NUP58: variants seen among roughly 807,000 people sequenced by gnomAD.
The protein encoded by NUP58 is nucleoporin 58.
In NUP58, 17 loss-of-function variants were observed where a neutral mutation model predicts 70.1. The observed-to-expected ratio is 0.24, with a 90% CI of 0.17 to 0.36. NUP58 has a LOEUF of 0.36. NUP58 is among the 10% of genes least tolerant of loss of function. The pLI is 1.00. For missense variants in NUP58, 644 were observed against 701.5 expected (o/e 0.92, Z 0.93); for synonymous variants, 275 against 257.6 (o/e 1.07, Z -0.65).
intron 13 of NUP58, chr13:25,332,931 A>C: frequency 1.0e-6 from 1 of 985,354 alleles, no homozygotes; most frequent in Non-Finnish European, 1.2e-6. Flanking sequence ...CCATAGTACT[A>C]GTTTACTTTT....
In NUP58 at chr13:25,337,018, T is replaced by C. The variant is rs750707488; in HGVS notation, c.1518T>C (p.Gly506=). 2 of 1,603,940 alleles carry C rather than the reference T, an allele frequency of 1.2e-6. No individual in the cohort carries two copies. The highest frequency in any genetic ancestry group is 1.1e-5 in the South Asian group (1 of 89,240). ...CTGGCTTGCAATCAAGTGGCTTAGG[T>C]TCTTCAAACCTTGGAGGTACACTTT... ...IGTGLQSSGL[G]SSNLGGFGTS... is the part of the protein sequence containing the mutation. Residue 506 remains glycine (G), a synonymous_variant, in exon 14 of 16, where the codon GGT becomes GGC. Coordinates refer to ENST00000381736, the MANE Select transcript of NUP58 (RefSeq NM_014089.4).
In NUP58 at chr13:25,338,677, G is replaced by T. The variant is rs1326646657; in HGVS notation, c.1576G>T (p.Ala526Ser). The change falls in exon 15 of 16, where the codon GCC becomes TCC. Residue 526 changes from alanine to serine, a missense_variant. Physicochemically the swap from Ala to Ser is moderately conservative, Grantham distance 99. Around this residue, in one of 4 missense-constraint regions of NUP58, gnomAD observed 132 missense variants for 203.9 expected, o/e 0.65. Transcript: ENST00000381736. ...TGGTTTTGGATGCAGCACCACAGGG[G>T]CCTCCACATTTGGATTTGGAACAAC... ...SSGFGCSTTG[A>S]STFGFGTTNK... The T allele has an allele frequency of 6.2e-7, 1 of 1,613,698 alleles. No individual in the cohort carries two copies. The highest frequency in any genetic ancestry group is 1.7e-5 in the Admixed American group (1 of 59,984).
downstream of NUP58, among the ~76,000 whole-genome samples, chr13:25,344,685 GATACATGC>G (rs2032028361): frequency 6.6e-6 from 1 of 152,174 alleles, no homozygotes; most frequent in South Asian, 2.1e-4. Context: ...AGCACAGCAT[GATACATGC>G]ATCTGTTGGG....
intron 13 of NUP58, chr13:25,335,596 ATAG>A (rs1011309831): frequency 1.2e-4 from 118 of 982,392 alleles, no homozygotes; most frequent in East Asian, 2.3e-4. Context: ...TATTTTTTTA[ATAG>A]TAGTATAAGA....
chr13:25,320,308 A>G (rs2031126511), intron 7 of NUP58: 1 of 388,380 alleles, frequency 2.6e-6, no homozygotes, highest in East Asian at 4.8e-5. Context: ...ATCTTCTTAG[A>G]TAAGAAATCT....
intron 5 of NUP58, among the ~76,000 whole-genome samples, chr13:25,315,115 A>G (rs1473917970): frequency 6.6e-6 from 1 of 152,190 alleles, no homozygotes; most frequent in African/African-American, 2.4e-5. Context: ...TACTGAATTG[A>G]TATATGTTCT....
At chr13:25,320,861 T>A (rs919532680) in intron 8 of NUP58, 58 bp from the exon 9 acceptor site, 14 of 1,128,318 alleles carry the variant, frequency 1.2e-5, no homozygotes, top group African/African-American at 4.8e-5. Flanking sequence ...ATATATATAT[T>A]TTGTGTAGGA....
chr13:25,318,583 GAA>G (rs988771441), intron 6 of NUP58, among the ~76,000 whole-genome samples: 9 of 152,150 alleles, frequency 5.9e-5, no homozygotes, highest in African/African-American at 2.2e-4. Context: ...AATACCGTAA[GAA>G]AAGTGTGCAA....
Position 25,327,333 on chromosome 13 carries a change from G to A in NUP58, c.1151-97G>A, listed in dbSNP as rs943897826. 23 of 724,708 alleles carry A rather than the reference G, an allele frequency of 3.2e-5. No individual in the cohort carries two copies. The African/African-American group carries it at 3.3e-4, about 10-fold the overall frequency. The allele number at this position is 724,708 out of a possible 1,614,324, so 44.9% of individuals were successfully genotyped here. A position where few individuals can be genotyped will look rare whatever the true frequency, so the allele number is the denominator to read the frequency against. On this transcript the variant is annotated intron_variant, in intron 11 of 15. Coordinates refer to ENST00000381736, the MANE Select transcript of NUP58 (RefSeq NM_014089.4). ...TTGATAGAGTTTTTTTCTCCTACACGTTAACTGTGCCAAAAATTGGACTCA... is the reference window on the plus strand; with the variant it reads ...TTGATAGAGTTTTTTTCTCCTACACATTAACTGTGCCAAAAATTGGACTCA...
At chr13:25,338,146 G>A (rs2031848521) in intron 14 of NUP58, among the ~76,000 whole-genome samples, 1 of 152,154 alleles carries the variant, frequency 6.6e-6, no homozygotes, top group Admixed American at 6.6e-5. Flanking sequence ...ATGTAGTTAT[G>A]CAGAGTTTTT....
chr13:25,312,980 T>C lies in NUP58; in HGVS notation c.384T>C (p.Ser128=). ...CACCATTTGCTCTACCTATTACCTC[T>C]ACCTCAGCTAGCGGTCTGACTCTTT... The part of the protein sequence containing the change: ...SATPFALPIT[S]TSASGLTLSS... The change falls in exon 4 of 16, where the codon TCT becomes TCC. Residue 128 remains serine, a synonymous_variant. Transcript: ENST00000381736. The C allele has an allele frequency of 1.2e-6, 2 of 1,614,220 alleles. No individual in the cohort carries two copies. The highest frequency in any genetic ancestry group is 1.3e-5 in the African/African-American group (1 of 75,064).
Position 25,337,041 on chromosome 13 carries a change from T to G in NUP58, c.1534+7T>G. The G allele has an allele frequency of 6.4e-7, 1 of 1,573,298 alleles. No homozygotes were observed. Among genetic ancestry groups the G allele is most frequent in the Non-Finnish European group, 8.6e-7 (1 of 1,157,528 alleles). ...GGTTCTTCAAACCTTGGAGGTACAC[T>G]TTAACTTTTCTAATATTTCATTGAA... On this transcript the variant is annotated splice_region_variant and intron_variant, in intron 14 of 15. Transcript: ENST00000381736.
At chr13:25,336,354 G>T in intron 13 of NUP58, 2 of 954,062 alleles carry the variant, frequency 2.1e-6, no homozygotes, top group Non-Finnish European at 3.0e-6. Flanking sequence ...ACATTGTCTT[G>T]TTTTTTATCT....
intron 13 of NUP58, chr13:25,332,574 A>T (rs911629545): frequency 1.0e-6 from 1 of 985,422 alleles, no homozygotes; most frequent in East Asian, 1.1e-4. Context: ...CATTCAAGCT[A>T]CCTATACTAG....
chr13:25,338,571 T>A, intron 14 of NUP58, 65 bp from the exon 15 acceptor site: 1 of 1,198,066 alleles, frequency 8.3e-7, no homozygotes, highest in Admixed American at 1.8e-5. Context: ...TCGGTTGTAC[T>A]TGTCCATATC....
intron 1 of NUP58, among the ~76,000 whole-genome samples, chr13:25,302,707 A>C (rs1426190051): frequency 6.6e-6 from 1 of 152,216 alleles, no homozygotes; most frequent in East Asian, 1.9e-4. Context: ...CACTGTCAAC[A>C]AGATACTTCC....
chr13:25,330,764 G>T (rs946180049), intron 12 of NUP58, among the ~76,000 whole-genome samples: 18 of 152,022 alleles, frequency 1.2e-4, no homozygotes, highest in Non-Finnish European at 2.6e-4. Flanking sequence ...ACTTTAACAT[G>T]AATCAAGTCT....
At chr13:25,329,518 C>A (rs2031528050) in intron 12 of NUP58, among the ~76,000 whole-genome samples, 2 of 152,182 alleles carry the variant, frequency 1.3e-5, no homozygotes. Flanking sequence ...TTGACCTACT[C>A]TTTAAGCAAC....
chr13:25,339,736 G>C (rs1037705928), intron 15 of NUP58, among the ~76,000 whole-genome samples: 2 of 152,124 alleles, frequency 1.3e-5, no homozygotes, highest in African/African-American at 4.8e-5. Context: ...TTTGTGCTAA[G>C]GTTTCTCTTT....
Sources: allele counts gnomAD v4.1 joint callset (sites outside exome capture counted in the v4.1 genomes callset), GRCh38; gene constraint gnomAD v4.1.1; regional missense constraint gnomAD v4.1.1; transcripts MANE v1.5; gene names NCBI Gene and HGNC (gene_info 2026-07-23, HGNC 2026-07-21).